The following SH3D19 variants were observed in gnomAD, a reference collection of about 807,000 sequenced individuals.
SH3D19 encodes SH3 domain-containing protein 19.
In SH3D19, 58 loss-of-function variants were observed where a neutral mutation model predicts 112.1. That is an observed-to-expected ratio of 0.52 (90% CI 0.42 to 0.64). The LOEUF (loss-of-function observed/expected upper bound fraction) is 0.64. Among genes scored for constraint, SH3D19 ranks in the 30% least tolerant of loss-of-function variants. The pLI is 0.00. For missense variants in SH3D19, 1,090 were observed against 1,263.4 expected, an observed-to-expected ratio of 0.86 and a Z score of 2.08; for synonymous variants, 391 against 448.5, an observed-to-expected ratio of 0.87 and a Z score of 1.62.
chr4:151,159,318 G>A lies in SH3D19; in HGVS notation c.1677C>T (p.Leu559=), dbSNP rs1756732655. ...TGTTTCCAATAGGTTTTTCAGCAGG[G>A]AGAGGAGGTGGACTTTGTGGATCCT... ...LHEDPQSPPP[L]PAEKPIGNTF... The change falls in exon 9 of 20, where the codon CTC becomes CTT. Residue 559 remains leucine (L), a synonymous_variant. Coordinates refer to ENST00000604030, the MANE Select transcript of SH3D19 (RefSeq NM_001378122.1). 1.3e-6 allele frequency: 2 copies of A among 1,582,140 alleles called. No individual in the cohort carries two copies. The highest frequency in any genetic ancestry group is 2.7e-5 in the African/African-American group (2 of 72,930).
intron 19 of SH3D19, among the ~76,000 whole-genome samples, chr4:151,126,536 C>G (rs1749367870): frequency 2.0e-5 from 3 of 152,082 alleles, no homozygotes; most frequent in Admixed American, 2.0e-4. Context: ...TGGCTCACGC[C>G]TGTAATCCCA....
intron 1 of SH3D19, among the ~76,000 whole-genome samples, chr4:151,278,294 A>G (rs1425851207): frequency 6.6e-6 from 1 of 151,884 alleles, no homozygotes; most frequent in Non-Finnish European, 1.5e-5. Flanking sequence ...TAAGAGACAG[A>G]GTCTCACTCT....
intron 2 of SH3D19, among the ~76,000 whole-genome samples, chr4:151,210,412 T>C (rs1215329915): frequency 6.6e-6 from 1 of 151,068 alleles, no homozygotes; most frequent in Non-Finnish European, 1.5e-5. Flanking sequence ...TTTTTTTTTT[T>C]TTTTTTTTTG....
chr4:151,262,151 C>T (rs1366231820), intron 1 of SH3D19, among the ~76,000 whole-genome samples: 2 of 152,184 alleles, frequency 1.3e-5, no homozygotes, highest in Non-Finnish European at 2.9e-5. Context: ...CGCCAGGGAG[C>T]TCAGCCTTTA....
In SH3D19 at chr4:151,139,851, A is replaced by AGG. The variant is rs753696797; in HGVS notation, c.2224-6_2224-5dup. ...GCTTCTGAGCGTGGCTTGGATCCTT[A>AGG]GGGGGAGAAAAGGGCTGTGAATGAA... On this transcript the variant is annotated splice_region_variant and splice_polypyrimidine_tract_variant and intron_variant, in intron 12 of 19. Coordinates refer to ENST00000604030, the MANE Select transcript of SH3D19 (RefSeq NM_001378122.1). The AGG allele has an allele frequency of 2.5e-6, 4 of 1,613,862 alleles. No individual in the cohort carries two copies. The South Asian group carries it at 4.4e-5, about 18-fold the overall frequency.
At position 151,184,326 on chromosome 4, in the gene SH3D19, TA is replaced by T. The variant is rs531449213; in HGVS notation, c.193+3096del. 2.0e-4 allele frequency among the ~76,000 whole-genome samples: 30 copies of T among 152,228 alleles called. No individual in the cohort carries two copies. In the South Asian group the frequency reaches 6.2e-3, roughly 32 times the overall value. On this transcript the variant is annotated intron_variant, in intron 3 of 19. Coordinates refer to ENST00000604030, the MANE Select transcript of SH3D19 (RefSeq NM_001378122.1). ...ACACATTTTAATGGGCTGGCTAAGA[TA>T]AAAATTATTTACAGCTTTTTCTTAT... is the stretch of plus-strand genomic sequence containing the variant.
chr4:151,221,425 T>C (rs1300175955), intron 2 of SH3D19, among the ~76,000 whole-genome samples: 2 of 152,220 alleles, frequency 1.3e-5, no homozygotes, highest in African/African-American at 2.4e-5. Flanking sequence ...CAGCTGAGGA[T>C]GGCAGGAGAA....
At chr4:151,223,028 G>A in intron 2 of SH3D19, among the ~76,000 whole-genome samples, 1 of 126,844 alleles carries the variant, frequency 7.9e-6, no homozygotes, top group Non-Finnish European at 1.6e-5. Context: ...TTTTTCCTTA[G>A]GACTACTACA....
At chr4:151,145,405 G>C (rs1320527993) in intron 11 of SH3D19, among the ~76,000 whole-genome samples, 1 of 151,856 alleles carries the variant, frequency 6.6e-6, no homozygotes, top group Middle Eastern at 3.2e-3. Flanking sequence ...CTAATCAATC[G>C]ACCTTGTTAT....
chr4:151,238,378 G>A (rs764821357), intron 1 of SH3D19, among the ~76,000 whole-genome samples: 3 of 152,136 alleles, frequency 2.0e-5, no homozygotes, highest in Non-Finnish European at 4.4e-5. Context: ...GATTTCAGGT[G>A]CCAAAGGACG....
intron 8 of SH3D19, among the ~76,000 whole-genome samples, chr4:151,160,681 TC>T (rs1478425776): frequency 7.1e-4 from 45 of 63,668 alleles, no homozygotes; most frequent in South Asian, 4.9e-3. Context: ...TCTCTTTCTC[TC>T]TCTTTTTTTT....
At chr4:151,152,517 T>TA (rs1292537668) in intron 9 of SH3D19, among the ~76,000 whole-genome samples, 1 of 107,358 alleles carries the variant, frequency 9.3e-6, no homozygotes, top group Admixed American at 8.3e-5. Flanking sequence ...TCTCTCTCTC[T>TA]TTTTTTTTTT....
chr4:151,323,932 A>G (rs900185064), intron 1 of SH3D19, among the ~76,000 whole-genome samples: 5 of 152,186 alleles, frequency 3.3e-5, no homozygotes, highest in African/African-American at 1.2e-4. Context: ...GTTTAAATCC[A>G]TAGGTCAGGC....
chr4:151,170,529 T>C (rs1189080255), intron 7 of SH3D19: 1 of 152,160 alleles, frequency 6.6e-6, no homozygotes, highest in African/African-American at 2.4e-5. Context: ...ATTTATCTAA[T>C]TTAGGCATAT....
chr4:151,207,064 T>G (rs985493823), intron 2 of SH3D19, among the ~76,000 whole-genome samples: 3 of 152,200 alleles, frequency 2.0e-5, no homozygotes, highest in African/African-American at 7.2e-5. Flanking sequence ...CCTTATAGGA[T>G]AGAGTTCTAT....
intron 8 of SH3D19, among the ~76,000 whole-genome samples, chr4:151,160,951 G>A (rs1201712132): frequency 6.6e-6 from 1 of 152,128 alleles, no homozygotes; most frequent in Non-Finnish European, 1.5e-5. Flanking sequence ...TTTCTGTGCT[G>A]TGGTTTCCTT....
intron 1 of SH3D19, among the ~76,000 whole-genome samples, chr4:151,229,052 T>TTG (rs397779607): frequency 6.6e-6 from 1 of 150,574 alleles, no homozygotes; most frequent in Non-Finnish European, 1.5e-5. Context: ...TTTTTTTTTT[T>TTG]GTAGAGACAG....
At chr4:151,241,639 C>A (rs1291988460) in intron 1 of SH3D19, among the ~76,000 whole-genome samples, 3 of 146,208 alleles carry the variant, frequency 2.1e-5, no homozygotes. Flanking sequence ...AAGTGATCCG[C>A]CCAACTTGGC....
chr4:151,161,320 C>G (rs1240172278), intron 8 of SH3D19, among the ~76,000 whole-genome samples: 1 of 152,070 alleles, frequency 6.6e-6, no homozygotes, highest in East Asian at 1.9e-4. Flanking sequence ...GAAGCTATCC[C>G]CTTTTTCCCT....
Sources: allele counts gnomAD v4.1 joint callset (sites outside exome capture counted in the v4.1 genomes callset), GRCh38; gene constraint gnomAD v4.1.1; transcripts MANE v1.5; gene names NCBI Gene and HGNC (gene_info 2026-07-23, HGNC 2026-07-21).